ITGBL1: variants seen among roughly 807,000 people sequenced by gnomAD.
ITGBL1 encodes the protein integrin subunit beta like 1.
A neutral mutation model predicts 68.5 loss-of-function variants in ITGBL1; 51 were observed. That is an observed-to-expected ratio of 0.74 (90% confidence interval 0.59 to 0.94). The LOEUF is 0.94. Among genes scored for constraint, ITGBL1 ranks in the 40% least tolerant of loss-of-function variants. The pLI, the probability that ITGBL1 is intolerant of heterozygous loss-of-function variation, is 0.00. For missense variants in ITGBL1, 649 were observed against 647.4 expected, an observed-to-expected ratio of 1.00 and a Z score of -0.03; for synonymous variants, 209 against 227.3, an observed-to-expected ratio of 0.92 and a Z score of 0.72.
chr13:101,495,179 G>C (rs1465641264), intron 2 of ITGBL1, among the ~76,000 whole-genome samples: 2 of 152,178 alleles, frequency 1.3e-5, no homozygotes, highest in Non-Finnish European at 2.9e-5. Context: ...TGTCCAGAAA[G>C]AGTATTGACT....
chr13:101,720,552 GTGTGTGTGTGTGTA>G (rs957565795), downstream of ITGBL1: 5 of 151,330 alleles, frequency 3.3e-5, no homozygotes, highest in Non-Finnish European at 7.4e-5. Context: ...GTGTGTGTGT[GTGTGTGTGTGTGTA>G]TATGTGTGTG....
chr13:101,631,428 C>A lies in ITGBL1; in HGVS notation c.1015+33129C>A, dbSNP rs1282218996. On this transcript the variant is annotated intron_variant, in intron 7 of 10. Coordinates refer to ENST00000376180, the MANE Select transcript of ITGBL1 (RefSeq NM_004791.3). ...TGATTTGTAGATGTTAAGTCTATATCTCATAGTTCTTTAAATGAGGAGGAA... is the reference window on the plus strand; with the variant it reads ...TGATTTGTAGATGTTAAGTCTATATATCATAGTTCTTTAAATGAGGAGGAA... 2.0e-5 allele frequency among the ~76,000 whole-genome samples: 3 copies of A among 150,886 alleles called. No homozygotes were observed. The East Asian group carries it at 5.8e-4, about 29-fold the overall frequency.
chr13:101,605,056 A>G (rs549107846), intron 7 of ITGBL1, among the ~76,000 whole-genome samples: 2 of 143,902 alleles, frequency 1.4e-5, no homozygotes, highest in Admixed American at 1.4e-4. Context: ...ATATGTGTAT[A>G]TGTGTATATG....
intron 2 of ITGBL1, among the ~76,000 whole-genome samples, chr13:101,491,478 G>C (rs2048775650): frequency 6.6e-6 from 1 of 152,178 alleles, no homozygotes; most frequent in African/African-American, 2.4e-5. Context: ...TTACGGTAGA[G>C]AGCCCTGTGG....
intron 8 of ITGBL1, among the ~76,000 whole-genome samples, chr13:101,702,538 C>G (rs1287959709): frequency 6.6e-6 from 1 of 151,384 alleles, no homozygotes; most frequent in Non-Finnish European, 1.5e-5. Context: ...TACACATTTT[C>G]ATAATATGTA....
intron 9 of ITGBL1, among the ~76,000 whole-genome samples, chr13:101,709,358 C>T (rs1002808960): frequency 1.0e-5 from 1 of 98,826 alleles, no homozygotes; most frequent in Admixed American, 1.6e-4. Context: ...GGTGACAGAG[C>T]GAGACTCCGT....
intron 7 of ITGBL1, among the ~76,000 whole-genome samples, chr13:101,674,792 C>A (rs2033461835): frequency 6.6e-6 from 1 of 151,946 alleles, no homozygotes. Flanking sequence ...ATTCTAGTAT[C>A]ATAATATTTA....
At chr13:101,458,723 A>G (rs2048278308) in intron 2 of ITGBL1, among the ~76,000 whole-genome samples, 1 of 152,196 alleles carries the variant, frequency 6.6e-6, no homozygotes, top group Non-Finnish European at 1.5e-5. Flanking sequence ...ATTACATATA[A>G]TACCTCATGC....
In ITGBL1 at chr13:101,474,650, C is replaced by A. The variant is rs915689306; in HGVS notation, c.316+20550C>A. 4.3e-4 allele frequency among the ~76,000 whole-genome samples: 65 copies of A among 152,154 alleles called. 1 individual carries two copies. Among genetic ancestry groups the A allele is most frequent in the Non-Finnish European group, 1.0e-4 (7 of 68,040 alleles). On this transcript the variant is annotated intron_variant, in intron 2 of 10. Coordinates refer to ENST00000376180, the MANE Select transcript of ITGBL1 (RefSeq NM_004791.3). ...TACCATGCTGGCTTTGGGACTGACCCAGAGTAGTCCCAGTAGTAGTTGCAA... is the reference window on the plus strand; with the variant it reads ...TACCATGCTGGCTTTGGGACTGACCAAGAGTAGTCCCAGTAGTAGTTGCAA...
Position 101,610,004 on chromosome 13 carries a change from C to A in ITGBL1, c.1015+11705C>A, listed in dbSNP as rs188920175. ...TAAGATAACTTCCTAGTAAAGACTG[C>A]AACCAGTATTGTCAAAATGTATTTG... On this transcript the variant is annotated intron_variant, in intron 7 of 10. Coordinates refer to ENST00000376180, the MANE Select transcript of ITGBL1 (RefSeq NM_004791.3). 5.5e-3 allele frequency among the ~76,000 whole-genome samples: 836 copies of A among 152,144 alleles called. 3 individuals are homozygous for A. The highest frequency in any genetic ancestry group is 9.8e-3 in the Non-Finnish European group (664 of 68,000).
At chr13:101,569,408 G>C (rs1178533763) in intron 3 of ITGBL1, among the ~76,000 whole-genome samples, 1 of 152,088 alleles carries the variant, frequency 6.6e-6, no homozygotes, top group Non-Finnish European at 1.5e-5. Context: ...TTCAGTAGAT[G>C]ATAAAACATA....
chr13:101,529,208 A>G (rs2049431497), intron 2 of ITGBL1, among the ~76,000 whole-genome samples: 1 of 151,998 alleles, frequency 6.6e-6, no homozygotes, highest in Admixed American at 6.5e-5. Context: ...TGAGAGAGAA[A>G]TTGAAACGTG....
chr13:101,485,832 C>CA (rs1251454411), intron 2 of ITGBL1, among the ~76,000 whole-genome samples: 1 of 151,708 alleles, frequency 6.6e-6, no homozygotes, highest in Non-Finnish European at 1.5e-5. Flanking sequence ...ATTAAAACAT[C>CA]AAAAAAACAA....
chr13:101,634,553 A>G (rs2032102199), intron 7 of ITGBL1, among the ~76,000 whole-genome samples: 1 of 152,144 alleles, frequency 6.6e-6, no homozygotes, highest in Non-Finnish European at 1.5e-5. Context: ...TTATATAAAG[A>G]AAGTTTTGAG....
intron 8 of ITGBL1, among the ~76,000 whole-genome samples, chr13:101,695,216 C>T (rs2033975036): frequency 6.6e-6 from 1 of 152,198 alleles, no homozygotes; most frequent in Non-Finnish European, 1.5e-5. Flanking sequence ...CAGGTATTAA[C>T]TACACCTCAC....
intron 7 of ITGBL1, among the ~76,000 whole-genome samples, chr13:101,691,516 T>C (rs2033882581): frequency 6.6e-6 from 1 of 152,174 alleles, no homozygotes; most frequent in African/African-American, 2.4e-5. Context: ...CTGAAGCATC[T>C]TGTGATTATT....
chr13:101,487,783 C>T (rs1240391879), intron 2 of ITGBL1, among the ~76,000 whole-genome samples: 1 of 152,220 alleles, frequency 6.6e-6, no homozygotes, highest in Non-Finnish European at 1.5e-5. Context: ...ATGCAGAGAG[C>T]TCTTCTGCAT....
At chr13:101,646,590 T>C (rs1243877400) in intron 7 of ITGBL1, among the ~76,000 whole-genome samples, 1 of 152,102 alleles carries the variant, frequency 6.6e-6, no homozygotes, top group Non-Finnish European at 1.5e-5. Context: ...TCTATACCCC[T>C]TTCCCAAGTA....
At chr13:101,520,178 TA>T (rs984466071) in intron 2 of ITGBL1, among the ~76,000 whole-genome samples, 46 of 152,220 alleles carry the variant, frequency 3.0e-4, no homozygotes, top group East Asian at 1.2e-3. Context: ...ATAGTTCCCA[TA>T]AAAAAATAAT....
Sources: gnomAD v4.1 joint callset for allele counts (sites outside exome capture counted in the v4.1 genomes callset) on GRCh38, gnomAD v4.1.1 for gene constraint, MANE v1.5 for transcripts, NCBI Gene and HGNC (gene_info 2026-07-23, HGNC 2026-07-21) for gene names.